Variants in GCNT2 observed in about 807,000 individuals in gnomAD.
GCNT2 encodes the protein glucosaminyl (N-acetyl) transferase 2 (I blood group), also known as N-acetyllactosaminide beta-1,6-N-acetylglucosaminyl-transferase.
GCNT2 carries 34 observed loss-of-function variants against 34.2 expected under a neutral mutation model. That is an observed-to-expected ratio of 1.00 (90% CI 0.76 to 1.32). GCNT2 has a LOEUF of 1.32. GCNT2 is among the 40% of genes most tolerant of loss of function. The probability of loss-of-function intolerance (pLI) is 0.00; values close to 1 mark genes in which losing one functional copy is unlikely to be tolerated. For synonymous variants in GCNT2, 212 were observed against 188.0 expected (o/e 1.13, Z -1.04); for missense variants, 584 against 489.4 (o/e 1.19, Z -1.82).
At chr6:10,565,667 A>C (rs1391770704) in intron 3 of GCNT2, among the ~76,000 whole-genome samples, 2 of 152,096 alleles carry the variant, frequency 1.3e-5, no homozygotes, top group African/African-American at 4.8e-5. Flanking sequence ...TCTTGAAGAA[A>C]TCTACCTTTC....
intron 3 of GCNT2, among the ~76,000 whole-genome samples, chr6:10,592,330 G>C (rs930916234): frequency 6.6e-6 from 1 of 152,144 alleles, no homozygotes; most frequent in African/African-American, 2.4e-5. Context: ...TCAAAATATT[G>C]CGTTAGTGAT....
rs139961516 is a variant in GCNT2 at position 10,529,114 on chromosome 6, C to T, written c.203C>T (p.Thr68Ile). The change falls in exon 3 of 5, where the codon ACC (threonine) becomes ATC (isoleucine). Residue 68 changes from threonine to isoleucine, a missense_variant. Physicochemically the swap from Thr to Ile is moderately conservative, Grantham distance 89. Transcript: ENST00000495262. ...CCAACAGAAAATGCATTGAAAACTA[C>T]CCTTGATGAAGCTACCTGCTATGAG... ...FYPTENALKT[T>I]LDEATCYEYM... The T allele has an allele frequency of 9.0e-5, 145 of 1,614,036 alleles. No homozygotes were observed. In the South Asian group the frequency reaches 1.3e-3, roughly 14 times the overall value.
rs554930974 is a variant in GCNT2, at chr6:10,567,820, C to T, written c.925+37984C>T. On this transcript the variant is annotated intron_variant, in intron 3 of 4. Transcript: ENST00000495262. ...AAAGACGGAAGCCAGCAAAATTTATCATGGAGTTTTGACTTTGCCCTCGAA... is the reference window on the plus strand; with the variant it reads ...AAAGACGGAAGCCAGCAAAATTTATTATGGAGTTTTGACTTTGCCCTCGAA... Among the ~76,000 whole-genome samples the T allele has an allele frequency of 8.1e-4, 124 of 152,302 alleles. 1 individual carries two copies. The highest frequency in any genetic ancestry group is 2.7e-3 in the African/African-American group (114 of 41,576).
intron 3 of GCNT2, among the ~76,000 whole-genome samples, chr6:10,579,847 A>AAAAC (rs1763994394): frequency 6.6e-6 from 1 of 151,372 alleles, no homozygotes; most frequent in Non-Finnish European, 1.5e-5. Context: ...AAAAAAAAAA[A>AAAAC]ACAAGTAATA....
chr6:10,535,410 T>G (rs550808198), intron 3 of GCNT2, among the ~76,000 whole-genome samples: 1 of 152,364 alleles, frequency 6.6e-6, no homozygotes, highest in Admixed American at 6.5e-5. Context: ...TTCCGTCTTT[T>G]ACCCTTAATC....
rs892022041 is a variant in GCNT2, at chr6:10,527,574, G to A, written c.-368G>A. Reference sequence around the variant, plus strand: ...CTAACCACCACATCATACAAAACTCGTCGCTGACGTTTTAGATGTATAATC... The same window carrying A: ...CTAACCACCACATCATACAAAACTCATCGCTGACGTTTTAGATGTATAATC... On this transcript the variant is annotated 5_prime_UTR_variant, in exon 2 of 5. Transcript: ENST00000495262. The A allele has an allele frequency of 1.3e-5, 2 of 152,166 alleles. No individual in the cohort carries two copies. The highest frequency in any genetic ancestry group is 4.8e-5 in the African/African-American group (2 of 41,414). 9.4% of individuals were successfully genotyped at this position (152,166 alleles called of 1,614,324 possible).
At chr6:10,548,575 G>A (rs186239532) in intron 3 of GCNT2, among the ~76,000 whole-genome samples, 1 of 152,152 alleles carries the variant, frequency 6.6e-6, no homozygotes, top group East Asian at 1.9e-4. Flanking sequence ...TCCCACTCCT[G>A]GTATAATCTA....
At chr6:10,556,167 A>G in intron 3 of GCNT2, 1 of 1,363,278 alleles carries the variant, frequency 7.3e-7, no homozygotes, top group South Asian at 1.6e-5. Flanking sequence ...GGAGGAGGGA[A>G]GGCTGGGCTT....
intron 3 of GCNT2, among the ~76,000 whole-genome samples, chr6:10,616,401 TGTTA>T (rs1765766986): frequency 6.6e-6 from 1 of 152,180 alleles, no homozygotes; most frequent in African/African-American, 2.4e-5. Context: ...AGGGTACCGC[TGTTA>T]GTTTTGTCAG....
Position 10,575,484 on chromosome 6 carries a change from C to T in GCNT2, c.925+45648C>T, listed in dbSNP as rs6912796. Reference sequence around the variant, plus strand: ...TCAAGAGATTCTCCTGCCTCAGCCTCCCAAGTAGCTAGGATTACAGGTGCC... The same window carrying T: ...TCAAGAGATTCTCCTGCCTCAGCCTTCCAAGTAGCTAGGATTACAGGTGCC... On this transcript the variant is annotated intron_variant, in intron 3 of 4. Coordinates refer to ENST00000495262, the MANE Select transcript of GCNT2 (RefSeq NM_145649.5). 2.1e-3 allele frequency among the ~76,000 whole-genome samples: 326 copies of T among 152,004 alleles called. 4 individuals are homozygous for T. Among genetic ancestry groups the T allele is most frequent in the African/African-American group, 7.5e-3 (310 of 41,446 alleles).
chr6:10,577,011 A>G (rs1002446505), intron 3 of GCNT2, among the ~76,000 whole-genome samples: 1 of 152,206 alleles, frequency 6.6e-6, no homozygotes, highest in South Asian at 2.1e-4. Context: ...TCAGGAGTTC[A>G]AGGCTGCAGT....
At chr6:10,594,942 C>T (rs1302365561) in intron 3 of GCNT2, among the ~76,000 whole-genome samples, 2 of 146,970 alleles carry the variant, frequency 1.4e-5, no homozygotes, top group Non-Finnish European at 3.0e-5. Context: ...ACTTCCCAGG[C>T]TCAAGCAATT....
intron 3 of GCNT2, among the ~76,000 whole-genome samples, chr6:10,594,598 A>G (rs1764770850): frequency 2.6e-5 from 4 of 152,228 alleles, no homozygotes; most frequent in African/African-American, 4.8e-5. Context: ...AATTTTAAAA[A>G]TGGGGTAAAA....
intron 3 of GCNT2, among the ~76,000 whole-genome samples, chr6:10,543,688 TA>T (rs1196817859): frequency 6.6e-6 from 1 of 152,196 alleles, no homozygotes; most frequent in African/African-American, 2.4e-5. Flanking sequence ...AGCATGTCCC[TA>T]ATTAACAATG....
chr6:10,550,337 A>C (rs1439034476), intron 3 of GCNT2, among the ~76,000 whole-genome samples: 1 of 151,948 alleles, frequency 6.6e-6, no homozygotes, highest in Non-Finnish European at 1.5e-5. Context: ...AGTCCGGCCT[A>C]ACATTTTTTT....
intron 3 of GCNT2, among the ~76,000 whole-genome samples, chr6:10,559,837 G>A (rs1008390137): frequency 6.6e-6 from 1 of 152,204 alleles, no homozygotes; most frequent in African/African-American, 2.4e-5. Context: ...TAGACTCTGG[G>A]CAACATCCTG....
intron 3 of GCNT2, among the ~76,000 whole-genome samples, chr6:10,539,994 C>T (rs1417733317): frequency 5.3e-5 from 8 of 152,108 alleles, no homozygotes; most frequent in Middle Eastern, 6.8e-3. Context: ...AGGAGGATCG[C>T]TTGAGCACGG....
intron 3 of GCNT2, among the ~76,000 whole-genome samples, chr6:10,605,208 A>ATTTTTTTTTTTTTTTTTTTTTTT (rs869167781): frequency 1.1e-5 from 1 of 94,204 alleles, no homozygotes; most frequent in Non-Finnish European, 2.0e-5. Context: ...TCATGTAGGA[A>ATTTTTTTTTTTTTTTTTTTTTTT]TTTTTTTTTT....
At chr6:10,576,938 T>A (rs1304962974) in intron 3 of GCNT2, among the ~76,000 whole-genome samples, 3 of 151,456 alleles carry the variant, frequency 2.0e-5, no homozygotes, top group Non-Finnish European at 4.4e-5. Flanking sequence ...ATAATAATAA[T>A]AAAATTAGCC....
Sources: gnomAD v4.1 joint callset for allele counts (sites outside exome capture counted in the v4.1 genomes callset) on GRCh38, gnomAD v4.1.1 for gene constraint, MANE v1.5 for transcripts, NCBI Gene and HGNC (gene_info 2026-07-23, HGNC 2026-07-21) for gene names.